The following ARHGAP15 variants were observed in gnomAD, a reference collection of about 807,000 sequenced individuals.
ARHGAP15 encodes the protein Rho GTPase activating protein 15.
A neutral mutation model predicts 63.7 loss-of-function variants in ARHGAP15; 51 were observed. That is an observed-to-expected ratio of 0.80 (90% CI 0.64 to 1.01). ARHGAP15 has a LOEUF of 1.01. Ranked by LOEUF, ARHGAP15 falls within the 50% of genes least tolerant of loss-of-function variation. The pLI is 0.00. For missense variants in ARHGAP15, 560 were observed against 564.6 expected (o/e 0.99, Z 0.08); for synonymous variants, 191 against 193.8 (o/e 0.99, Z 0.12).
rs1029460329 is a variant in ARHGAP15, at chr2:143,372,720, T to C, written c.475-62881T>C. ...ACATAAACAATGTCAAATTGTGGAA[T>C]TCCTGAAGCTCATTCACAGGCCTCC... On this transcript the variant is annotated intron_variant, in intron 6 of 13. Coordinates refer to ENST00000295095, the MANE Select transcript of ARHGAP15 (RefSeq NM_018460.4). Among the ~76,000 whole-genome samples the C allele has an allele frequency of 2.6e-5, 4 of 152,302 alleles. No homozygotes were observed. In the South Asian group the frequency reaches 8.3e-4, roughly 32 times the overall value.
At chr2:143,393,726 TAAAAAAAAA>T (rs10593584) in intron 6 of ARHGAP15, among the ~76,000 whole-genome samples, 3 of 61,464 alleles carry the variant, frequency 4.9e-5, no homozygotes, top group Admixed American at 2.0e-4. Context: ...AGACTCTGTC[TAAAAAAAAA>T]AAAAAAAAAA....
chr2:143,468,663 A>AGAGAGAGTGTGT (rs764115175), intron 8 of ARHGAP15, among the ~76,000 whole-genome samples: 1 of 136,238 alleles, frequency 7.3e-6, no homozygotes, highest in East Asian at 2.2e-4. Flanking sequence ...AGAGAGAGAG[A>AGAGAGAGTGTGT]GTGTGTGTGT....
rs1321506321 is a variant in ARHGAP15, at chr2:143,337,380, G to A, written c.474+86780G>A. 3.3e-5 allele frequency among the ~76,000 whole-genome samples: 5 copies of A among 152,292 alleles called. No individual in the cohort carries two copies. In the East Asian group the frequency reaches 9.6e-4, roughly 29 times the overall value. ...AAGCCATGAAATGACTCAAGGCAGT[G>A]CAGCATGATGTTGTTTTTTTGGCAT... On this transcript the variant is annotated intron_variant, in intron 6 of 13. Coordinates refer to ENST00000295095, the MANE Select transcript of ARHGAP15 (RefSeq NM_018460.4).
intron 6 of ARHGAP15, among the ~76,000 whole-genome samples, chr2:143,374,574 G>A (rs1450254449): frequency 6.6e-6 from 1 of 151,920 alleles, no homozygotes; most frequent in Non-Finnish European, 1.5e-5. Flanking sequence ...ATGTGATCTT[G>A]GCTCACTGCA....
At chr2:143,258,832 A>G (rs367999371) in intron 6 of ARHGAP15, among the ~76,000 whole-genome samples, 29 of 152,292 alleles carry the variant, frequency 1.9e-4, no homozygotes, top group African/African-American at 7.0e-4. Flanking sequence ...CCTCAGCCTC[A>G]TCAATTTACC....
chr2:143,357,557 T>C (rs915555817), intron 6 of ARHGAP15, among the ~76,000 whole-genome samples: 4 of 152,180 alleles, frequency 2.6e-5, no homozygotes, highest in African/African-American at 9.6e-5. Flanking sequence ...AAAATGCACA[T>C]AATAAAATTA....
chr2:143,428,958 A>G (rs1245548402), intron 6 of ARHGAP15, among the ~76,000 whole-genome samples: 1 of 152,196 alleles, frequency 6.6e-6, no homozygotes, highest in Non-Finnish European at 1.5e-5. Context: ...ATCTACAGAC[A>G]AGTACACCCC....
At chr2:143,342,936 G>T (rs185218493) in intron 6 of ARHGAP15, among the ~76,000 whole-genome samples, 3 of 151,698 alleles carry the variant, frequency 2.0e-5, no homozygotes, top group Admixed American at 6.6e-5. Context: ...CTACCTAACC[G>T]CATATATGTG....
chr2:143,682,096 G>A lies in ARHGAP15; in HGVS notation c.1139-21323G>A, dbSNP rs573813760. Among the ~76,000 whole-genome samples the A allele has an allele frequency of 3.3e-5, 5 of 152,210 alleles. No homozygotes were observed. The South Asian group carries it at 1.0e-3, about 32-fold the overall frequency. ...AATGTATGCATTATTAATTAAAGAAGGTAAGTTTGGCTAATTGTCATTTCT... is the reference window on the plus strand; with the variant it reads ...AATGTATGCATTATTAATTAAAGAAAGTAAGTTTGGCTAATTGTCATTTCT... On this transcript the variant is annotated intron_variant, in intron 12 of 13. Transcript: ENST00000295095.
intron 6 of ARHGAP15, among the ~76,000 whole-genome samples, chr2:143,428,674 TAGAA>T (rs1689238595): frequency 6.6e-6 from 1 of 152,130 alleles, no homozygotes; most frequent in African/African-American, 2.4e-5. Flanking sequence ...AAAAGGTATG[TAGAA>T]AGAGACAACA....
rs139912543 is a variant in ARHGAP15, at chr2:143,250,801, C to T, written c.474+201C>T. On this transcript the variant is annotated intron_variant, in intron 6 of 13. Transcript: ENST00000295095. Reference sequence around the variant, plus strand: ...CTGGCGACTGGTTGCTATCTAAACACAAAATGTATGTTGCACGTTGATTAA... The same window carrying T: ...CTGGCGACTGGTTGCTATCTAAACATAAAATGTATGTTGCACGTTGATTAA... 1.2e-4 allele frequency among the ~76,000 whole-genome samples: 18 copies of T among 152,090 alleles called. No homozygotes were observed. In the East Asian group the frequency reaches 3.5e-3, roughly 29 times the overall value.
chr2:143,319,855 AAAG>A (rs1683925392), intron 6 of ARHGAP15, among the ~76,000 whole-genome samples: 1 of 152,234 alleles, frequency 6.6e-6, no homozygotes, highest in African/African-American at 2.4e-5. Context: ...GGAGCATTTC[AAAG>A]AAGAGGAAAA....
chr2:143,397,917 A>T (rs1466079399), intron 6 of ARHGAP15, among the ~76,000 whole-genome samples: 1 of 152,150 alleles, frequency 6.6e-6, no homozygotes, highest in African/African-American at 2.4e-5. Context: ...GAAAGCAAGA[A>T]ATTATTTTTC....
chr2:143,445,387 T>C (rs1168186989), intron 8 of ARHGAP15, among the ~76,000 whole-genome samples: 1 of 151,988 alleles, frequency 6.6e-6, no homozygotes, highest in Non-Finnish European at 1.5e-5. Context: ...GGTATCGACC[T>C]CCTGACCTCA....
At chr2:143,350,479 C>T (rs1374610906) in intron 6 of ARHGAP15, among the ~76,000 whole-genome samples, 2 of 151,962 alleles carry the variant, frequency 1.3e-5, no homozygotes, top group Admixed American at 1.3e-4. Context: ...GGATGCTAAT[C>T]CATTAGTTAT....
chr2:143,635,876 TG>T (rs1265950838), intron 12 of ARHGAP15, among the ~76,000 whole-genome samples: 1 of 152,108 alleles, frequency 6.6e-6, no homozygotes, highest in Non-Finnish European at 1.5e-5. Flanking sequence ...AAAATTATAT[TG>T]GATAATTATG....
At chr2:143,133,902 C>T (rs1689009875) in intron 1 of ARHGAP15, among the ~76,000 whole-genome samples, 1 of 152,134 alleles carries the variant, frequency 6.6e-6, no homozygotes, top group African/African-American at 2.4e-5. Flanking sequence ...CACCTCTCCA[C>T]TTTGCTTTTT....
chr2:143,719,574 G>A (rs2105459469), intron 13 of ARHGAP15, among the ~76,000 whole-genome samples: 1 of 151,996 alleles, frequency 6.6e-6, no homozygotes, highest in East Asian at 1.9e-4. Flanking sequence ...ATTTCCAACT[G>A]CCATTCCAGA....
At chr2:143,202,225 T>C in intron 3 of ARHGAP15, 23 bp downstream of exon 3, 1 of 1,569,174 alleles carries the variant, frequency 6.4e-7, no homozygotes, top group Non-Finnish European at 8.8e-7. Context: ...GTCATTATAT[T>C]CTTCATCTAC....
Sources: allele counts gnomAD v4.1 joint callset (sites outside exome capture counted in the v4.1 genomes callset), GRCh38; gene constraint gnomAD v4.1.1; transcripts MANE v1.5; gene names NCBI Gene and HGNC (gene_info 2026-07-23, HGNC 2026-07-21).